The following ZFAND3 variants were observed in gnomAD, a reference collection of about 807,000 sequenced individuals.
ZFAND3 encodes the protein zinc finger AN1-type containing 3.
Under a neutral mutation model 29.6 loss-of-function variants are expected in ZFAND3, and 10 were observed. The ratio of observed to expected loss-of-function variants is 0.34; its 90% CI spans 0.21 to 0.57. The LOEUF is 0.57. ZFAND3 is among the 20% of genes least tolerant of loss of function. ZFAND3 has a pLI of 0.86. For missense variants in ZFAND3, 230 were observed against 304.5 expected (o/e 0.76, Z 1.82); for synonymous variants, 128 against 112.6 (o/e 1.14, Z -0.87).
At chr6:38,102,589 G>C (rs1246496181) in intron 4 of ZFAND3, among the ~76,000 whole-genome samples, 1 of 152,124 alleles carries the variant, frequency 6.6e-6, no homozygotes, top group Non-Finnish European at 1.5e-5. Flanking sequence ...CTTCCCTCCA[G>C]ACCTGTCCAA....
Position 37,910,922 on chromosome 6 carries a change from C to T in ZFAND3, c.72-19037C>T, listed in dbSNP as rs568675477. 6.6e-5 allele frequency among the ~76,000 whole-genome samples: 10 copies of T among 152,196 alleles called. No homozygotes were observed. The East Asian group carries it at 1.9e-3, about 29-fold the overall frequency. ...ATAGTATTCCGTTGTGTTTATATGT[C>T]ACATTTTATCCATGCATCCATTAAT... On this transcript the variant is annotated intron_variant, in intron 1 of 5. Coordinates refer to ENST00000287218, the MANE Select transcript of ZFAND3 (RefSeq NM_021943.3).
chr6:37,956,368 T>G (rs1035197039), intron 2 of ZFAND3, among the ~76,000 whole-genome samples: 3 of 152,180 alleles, frequency 2.0e-5, no homozygotes, highest in Admixed American at 2.0e-4. Context: ...GGATGACACT[T>G]TGAGAACCAG....
chr6:37,984,713 C>G (rs1762636942), intron 2 of ZFAND3, among the ~76,000 whole-genome samples: 1 of 152,214 alleles, frequency 6.6e-6, no homozygotes, highest in Admixed American at 6.5e-5. Context: ...TCCAGGTGTC[C>G]AGTACTCTCA....
intron 2 of ZFAND3, among the ~76,000 whole-genome samples, chr6:37,955,171 G>C (rs1382185409): frequency 1.3e-5 from 2 of 151,780 alleles, no homozygotes; most frequent in Non-Finnish European, 2.9e-5. Context: ...GTGTGTGTGT[G>C]TCTCTAAGGG....
chr6:37,961,166 A>C (rs767390341), intron 2 of ZFAND3, among the ~76,000 whole-genome samples: 2 of 152,208 alleles, frequency 1.3e-5, no homozygotes, highest in Non-Finnish European at 2.9e-5. Context: ...GCCACCAGAC[A>C]GGAGCCCACT....
intron 1 of ZFAND3, among the ~76,000 whole-genome samples, chr6:37,837,726 G>A (rs528348243): frequency 1.5e-3 from 221 of 151,950 alleles, no homozygotes; most frequent in African/African-American, 5.1e-3. Context: ...GGCTGGTCTC[G>A]AACTCCCGAC....
At chr6:37,886,079 A>G (rs1413509754) in intron 1 of ZFAND3, among the ~76,000 whole-genome samples, 1 of 151,808 alleles carries the variant, frequency 6.6e-6, no homozygotes, top group African/African-American at 2.4e-5. Flanking sequence ...CTCTATTAAA[A>G]ATACAAAAAC....
chr6:38,011,783 AT>A (rs144798897), intron 2 of ZFAND3, among the ~76,000 whole-genome samples: 2,170 of 152,282 alleles, frequency 0.014, 44 homozygotes, highest in African/African-American at 0.048. Flanking sequence ...ACGTGATCAA[AT>A]ACTATAAATT....
rs561884681 is a variant in ZFAND3 at position 37,851,548 on chromosome 6, G to A, written c.71+31532G>A. On this transcript the variant is annotated intron_variant, in intron 1 of 5. Transcript: ENST00000287218. Reference sequence around the variant, plus strand: ...CCCACATATACTGTATTTGAGCTACGTAAAACTAATTGTTGTTCCCTACTT... The same window carrying A: ...CCCACATATACTGTATTTGAGCTACATAAAACTAATTGTTGTTCCCTACTT... Among the ~76,000 whole-genome samples the A allele has an allele frequency of 3.9e-5, 6 of 152,192 alleles. No individual in the cohort carries two copies. In the South Asian group the frequency reaches 6.2e-4, roughly 16 times the overall value.
intron 2 of ZFAND3, among the ~76,000 whole-genome samples, chr6:37,997,213 A>G (rs1163583243): frequency 1.3e-5 from 2 of 152,202 alleles, no homozygotes; most frequent in African/African-American, 2.4e-5. Flanking sequence ...TCCATTGGGG[A>G]AAGTAAGAAT....
At chr6:37,922,637 C>T (rs911699546) in intron 1 of ZFAND3, among the ~76,000 whole-genome samples, 5 of 152,194 alleles carry the variant, frequency 3.3e-5, no homozygotes, top group African/African-American at 9.6e-5. Context: ...GTATAGCCTA[C>T]TCCACACCTA....
intron 5 of ZFAND3, among the ~76,000 whole-genome samples, chr6:38,137,222 A>G (rs1019221272): frequency 2.0e-5 from 3 of 152,372 alleles, no homozygotes; most frequent in South Asian, 2.1e-4. Flanking sequence ...GGCAATAGAA[A>G]GGCACTGTTA....
chr6:38,022,205 G>A (rs753031186), intron 2 of ZFAND3, among the ~76,000 whole-genome samples: 24 of 152,164 alleles, frequency 1.6e-4, no homozygotes, highest in Non-Finnish European at 2.8e-4. Flanking sequence ...TTATTTGAAT[G>A]CACATTAAAA....
chr6:37,990,573 T>TA, intron 2 of ZFAND3, among the ~76,000 whole-genome samples: 1 of 152,186 alleles, frequency 6.6e-6, no homozygotes, highest in Middle Eastern at 3.4e-3. Flanking sequence ...TTTTAAAACT[T>TA]CTAGTAGCCA....
At chr6:37,832,631 A>G (rs756042194) in intron 1 of ZFAND3, among the ~76,000 whole-genome samples, 30 of 152,140 alleles carry the variant, frequency 2.0e-4, no homozygotes, top group Admixed American at 2.0e-4. Flanking sequence ...ACAGCTTATA[A>G]GACAGTTTCT....
chr6:37,846,733 A>G (rs1764186058), intron 1 of ZFAND3, among the ~76,000 whole-genome samples: 2 of 149,798 alleles, frequency 1.3e-5, no homozygotes, highest in South Asian at 2.1e-4. Flanking sequence ...TTTTTTTGGA[A>G]TGGAGTCTCG....
intron 1 of ZFAND3, 142 bp downstream of exon 1, chr6:37,820,158 GCGTTC>G (rs1313965822): frequency 4.8e-6 from 2 of 412,984 alleles, no homozygotes; most frequent in African/African-American, 4.3e-5. Flanking sequence ...GGTGGGGGTC[GCGTTC>G]CGGGGAGGGG....
chr6:38,039,734 A>C (rs1581861427), intron 2 of ZFAND3, among the ~76,000 whole-genome samples: 1 of 152,184 alleles, frequency 6.6e-6, no homozygotes, highest in South Asian at 2.1e-4. Flanking sequence ...GGTTGTGTTT[A>C]CAGAGCAGAA....
At chr6:38,061,079 T>C (rs961778271) in intron 2 of ZFAND3, among the ~76,000 whole-genome samples, 3 of 152,236 alleles carry the variant, frequency 2.0e-5, no homozygotes, top group African/African-American at 7.2e-5. Flanking sequence ...GTATGTCCCT[T>C]GTAAATTGAA....
Sources: allele counts gnomAD v4.1 joint callset (sites outside exome capture counted in the v4.1 genomes callset), GRCh38; gene constraint gnomAD v4.1.1; transcripts MANE v1.5; gene names NCBI Gene and HGNC (gene_info 2026-07-23, HGNC 2026-07-21).